Variants in ATRNL1 observed in about 807,000 individuals in gnomAD.
ATRNL1 encodes the protein attractin-like protein 1.
Under a neutral mutation model 182.7 loss-of-function variants are expected in ATRNL1, and 95 were observed. The ratio of observed to expected loss-of-function variants is 0.52; its 90% CI spans 0.44 to 0.62. The LOEUF (loss-of-function observed/expected upper bound fraction) is 0.62, where lower values mean the gene tolerates loss of function less well. Ranked by LOEUF, ATRNL1 falls within the 20% of genes least tolerant of loss-of-function variation. The pLI is 0.00. For synonymous variants in ATRNL1, 576 were observed against 568.3 expected (o/e 1.01, Z -0.19); for missense variants, 1,471 against 1,679.5 (o/e 0.88, Z 2.17).
chr10:115,686,991 A>G (rs751842972), intron 26 of ATRNL1, among the ~76,000 whole-genome samples: 6 of 151,962 alleles, frequency 3.9e-5, no homozygotes, highest in Non-Finnish European at 7.4e-5. Context: ...AAACCTATTC[A>G]TTACCTCCAG....
chr10:115,193,175 T>C (rs1554890238), intron 8 of ATRNL1, among the ~76,000 whole-genome samples: 1 of 152,098 alleles, frequency 6.6e-6, no homozygotes, highest in Non-Finnish European at 1.5e-5. Context: ...TTTTTCCCCA[T>C]TTATTATGAT....
chr10:115,631,540 G>C (rs1325183310), intron 26 of ATRNL1, among the ~76,000 whole-genome samples: 1 of 152,040 alleles, frequency 6.6e-6, no homozygotes, highest in Admixed American at 6.6e-5. Flanking sequence ...GAAGATAATT[G>C]AGTATAAGGG....
At chr10:115,104,382 T>A (rs1160210671) in intron 1 of ATRNL1, among the ~76,000 whole-genome samples, 1 of 152,218 alleles carries the variant, frequency 6.6e-6, no homozygotes, top group African/African-American at 2.4e-5. Context: ...TATTTTTGAA[T>A]TGGATTATTA....
At chr10:115,907,937 C>G (rs914879717) in intron 28 of ATRNL1, among the ~76,000 whole-genome samples, 1 of 152,152 alleles carries the variant, frequency 6.6e-6, no homozygotes, top group South Asian at 2.1e-4. Context: ...AAGAAGAAAG[C>G]ATACACCGTC....
chr10:115,767,077 G>A (rs781857840), intron 27 of ATRNL1, among the ~76,000 whole-genome samples: 1 of 152,078 alleles, frequency 6.6e-6, no homozygotes, highest in Non-Finnish European at 1.5e-5. Context: ...TTTATGACCC[G>A]CTGCTTTATC....
intron 26 of ATRNL1, among the ~76,000 whole-genome samples, chr10:115,717,890 C>T (rs1052613394): frequency 6.6e-6 from 1 of 152,086 alleles, no homozygotes. Flanking sequence ...GTTCCATTCA[C>T]CTAATATTCT....
chr10:115,820,475 T>C (rs1555089925), intron 27 of ATRNL1: 1 of 152,140 alleles, frequency 6.6e-6, no homozygotes, highest in Non-Finnish European at 1.5e-5. Context: ...GGGAAATTAC[T>C]AAGTGCTTTT....
At chr10:115,406,646 C>G (rs1554958343) in intron 20 of ATRNL1, among the ~76,000 whole-genome samples, 1 of 152,070 alleles carries the variant, frequency 6.6e-6, no homozygotes, top group Admixed American at 6.5e-5. Context: ...AGTTTCATCT[C>G]TTTAATCACC....
chr10:115,774,812 T>G (rs1949081773), intron 27 of ATRNL1, among the ~76,000 whole-genome samples: 1 of 152,134 alleles, frequency 6.6e-6, no homozygotes, highest in East Asian at 1.9e-4. Context: ...TAGCTAGCAC[T>G]TATAACACTT....
At chr10:115,525,496 A>G (rs1015262719) in intron 25 of ATRNL1, among the ~76,000 whole-genome samples, 1 of 152,078 alleles carries the variant, frequency 6.6e-6, no homozygotes, top group African/African-American at 2.4e-5. Flanking sequence ...TCCTTATAAT[A>G]CTGGTGCCTC....
intron 14 of ATRNL1, among the ~76,000 whole-genome samples, chr10:115,284,798 C>T (rs1852529363): frequency 6.6e-6 from 1 of 152,178 alleles, no homozygotes; most frequent in East Asian, 1.9e-4. Context: ...ATATTGAAGA[C>T]ATTTACAAAA....
chr10:115,380,558 C>A (rs1297482352), intron 19 of ATRNL1, among the ~76,000 whole-genome samples: 2 of 152,138 alleles, frequency 1.3e-5, no homozygotes, highest in Admixed American at 6.5e-5. Context: ...TAGCCCTGGG[C>A]AATCAATAAT....
chr10:115,346,571 T>A (rs1489870582), intron 19 of ATRNL1, among the ~76,000 whole-genome samples: 1 of 152,212 alleles, frequency 6.6e-6, no homozygotes, highest in African/African-American at 2.4e-5. Context: ...GATGGACACT[T>A]GAGTTGCTTC....
intron 13 of ATRNL1, among the ~76,000 whole-genome samples, chr10:115,279,143 A>G (rs1852238865): frequency 6.6e-6 from 1 of 151,560 alleles, no homozygotes; most frequent in African/African-American, 2.4e-5. Flanking sequence ...TGGAGCTTGC[A>G]GTGAGCCGAG....
intron 19 of ATRNL1, among the ~76,000 whole-genome samples, chr10:115,353,479 A>T (rs1856361540): frequency 6.6e-6 from 1 of 151,922 alleles, no homozygotes; most frequent in Non-Finnish European, 1.5e-5. Flanking sequence ...TAAATTTCTT[A>T]TGGGCAGCAT....
intron 24 of ATRNL1, among the ~76,000 whole-genome samples, chr10:115,482,152 T>C (rs2134617950): frequency 6.6e-6 from 1 of 151,214 alleles, no homozygotes; most frequent in South Asian, 2.1e-4. Flanking sequence ...ATTATACTTC[T>C]ACTTGGACTC....
rs1592085542 is a variant in ATRNL1 at position 115,093,638 on chromosome 10, T to G, written c.-113T>G. The G allele has an allele frequency of 8.4e-6, 10 of 1,189,390 alleles. No homozygotes were observed. Among genetic ancestry groups the G allele is most frequent in the Non-Finnish European group, 1.2e-5 (10 of 844,142 alleles). 73.7% of individuals were successfully genotyped at this position (1,189,390 alleles called of 1,614,324 possible). ...GGAGCGGGACTCGGACGGGCGCCGG[T>G]GAGGAGGAGGAGAAGCGGCGGCGGA... is the stretch of plus-strand genomic sequence containing the variant. On this transcript the variant is annotated 5_prime_UTR_variant, in exon 1 of 29. An upstream open reading frame in the 5' UTR loses its in-frame stop. Coordinates refer to ENST00000355044, the MANE Select transcript of ATRNL1 (RefSeq NM_207303.4). The surrounding 1 kb of genome is among the most constrained non-coding windows in gnomAD (Gnocchi z 6.1).
chr10:115,558,757 C>T (rs1018502167), intron 26 of ATRNL1, among the ~76,000 whole-genome samples: 7 of 152,094 alleles, frequency 4.6e-5, no homozygotes, highest in Admixed American at 3.9e-4. Flanking sequence ...GCCTTAAGTT[C>T]CCTGTCTGCA....
At chr10:115,245,220 C>T (rs10885677) in intron 10 of ATRNL1, among the ~76,000 whole-genome samples, 31,833 of 151,794 alleles carry the variant, frequency 0.21, 4,269 homozygotes, top group Non-Finnish European at 0.3. Context: ...CTTAACTGGC[C>T]GGGCACGGTG....
Sources: gnomAD v4.1 joint callset for allele counts (sites outside exome capture counted in the v4.1 genomes callset) on GRCh38, gnomAD v4.1.1 for gene constraint, Gnocchi (gnomAD v3.1) non-coding constraint, MANE v1.5 for transcripts, NCBI Gene and HGNC (gene_info 2026-07-23, HGNC 2026-07-21) for gene names.